Variants in BRF1 observed in about 807,000 individuals in gnomAD.
The protein encoded by BRF1 is transcription factor IIIB 90 kDa subunit.
Under a neutral mutation model 81.7 loss-of-function variants are expected in BRF1, and 59 were observed. That is an observed-to-expected ratio of 0.72 (90% CI 0.59 to 0.90). The LOEUF (loss-of-function observed/expected upper bound fraction) is 0.90. BRF1 is among the 40% of genes least tolerant of loss of function. The pLI is 0.00. For synonymous variants in BRF1, 491 were observed against 395.6 expected (o/e 1.24, Z -2.86); for missense variants, 1,050 against 936.3 (o/e 1.12, Z -1.58).
intron 1 of BRF1, among the ~76,000 whole-genome samples, chr14:105,307,812 A>G (rs936829205): frequency 6.6e-6 from 1 of 152,212 alleles, no homozygotes; most frequent in East Asian, 1.9e-4. Context: ...ACTGCTCAGA[A>G]GGCAAGTCCC....
chr14:105,249,106 C>CCCCGCGCCCGCGCGCG (rs2055394276), intron 5 of BRF1: 1 of 1,497,306 alleles, frequency 6.7e-7, no homozygotes, highest in Non-Finnish European at 8.8e-7. Context: ...GCCCCGCGGC[C>CCCCGCGCCCGCGCGCG]CCCGCGCCCG....
intron 5 of BRF1, chr14:105,250,280 C>T: frequency 6.2e-7 from 1 of 1,612,936 alleles, no homozygotes; most frequent in Non-Finnish European, 8.5e-7. Context: ...GTACCGCGGG[C>T]GCTGCGACAG....
intron 6 of BRF1, 102 bp from the exon 7 acceptor site, chr14:105,229,015 G>A (rs898720202): frequency 4.7e-6 from 5 of 1,057,522 alleles, no homozygotes; most frequent in African/African-American, 3.1e-5. Context: ...CGGAGATGAT[G>A]GCCTGAGAAG....
intron 3 of BRF1, among the ~76,000 whole-genome samples, chr14:105,257,087 G>A (rs147157432): frequency 4.6e-5 from 7 of 152,254 alleles, no homozygotes; most frequent in African/African-American, 1.7e-4. Context: ...TGGGGGCTGC[G>A]CTCGAGAGAC....
chr14:105,222,768 A>C (rs587625006), intron 10 of BRF1, among the ~76,000 whole-genome samples: 1 of 152,204 alleles, frequency 6.6e-6, no homozygotes, highest in South Asian at 2.1e-4. Context: ...AGCTGGGACT[A>C]CAGGCGCCCG....
chr14:105,307,980 C>G (rs895063222), intron 1 of BRF1, among the ~76,000 whole-genome samples: 1 of 148,164 alleles, frequency 6.7e-6, no homozygotes, highest in Non-Finnish European at 1.5e-5. Context: ...CCCAGGAGTT[C>G]GAGACCAGCC....
chr14:105,300,338 C>A (rs2140588110), intron 1 of BRF1, 108 bp downstream of exon 1: 1 of 1,248,978 alleles, frequency 8.0e-7, no homozygotes, highest in Non-Finnish European at 1.0e-6. Context: ...CCGCGCGCCC[C>A]GACAGAGCGT....
In BRF1 at chr14:105,271,418, G is replaced by A. The variant is rs587751264; in HGVS notation, c.439+1303C>T. ...CCAGTGAGAATGCTGGAGGCAAGGC[G>A]ACGGCAGGGGCGCAGGCTGGGAGGC... On this transcript the variant is annotated intron_variant, in intron 3 of 17. Transcript: ENST00000547530. The surrounding 1 kb of genome is among the most constrained non-coding windows in gnomAD (Gnocchi z 5.5). Among the ~76,000 whole-genome samples, 3 of 152,366 alleles carry A rather than the reference G, an allele frequency of 2.0e-5. No homozygotes were observed. Among genetic ancestry groups the A allele is most frequent in the African/African-American group, 7.2e-5 (3 of 41,590 alleles).
Position 105,209,397 on chromosome 14 carries a change from GGGGGGTCTGGC to G in BRF1, c.*1143_*1153del. On this transcript the variant is annotated 3_prime_UTR_variant, in exon 18 of 18. Coordinates refer to ENST00000547530, the MANE Select transcript of BRF1 (RefSeq NM_001519.4). Reference sequence around the variant, plus strand: ...GGCTACTGAGCTCTGGGCGGGGGTAGGGGGGTCTGGCCTGCTGCGGGCCAAGTTGGGGCAGG... The same window carrying G: ...GGCTACTGAGCTCTGGGCGGGGGTAGCTGCTGCGGGCCAAGTTGGGGCAGG... 4.7e-6 allele frequency: 3 copies of G among 642,976 alleles called. No individual in the cohort carries two copies. Among genetic ancestry groups the G allele is most frequent in the Non-Finnish European group, 5.7e-6 (2 of 351,544 alleles). 39.8% of individuals were successfully genotyped at this position (642,976 alleles called of 1,614,324 possible).
At chr14:105,252,345 A>G in intron 5 of BRF1, 162 bp downstream of exon 5, 1 of 979,842 alleles carries the variant, frequency 1.0e-6, no homozygotes, top group Non-Finnish European at 1.2e-6. Context: ...CTTAGAAAAT[A>G]AGGCCCCACA....
intron 4 of BRF1, 76 bp from the exon 5 acceptor site, chr14:105,252,655 T>C: frequency 6.8e-7 from 1 of 1,480,268 alleles, no homozygotes; most frequent in African/African-American, 1.4e-5. Flanking sequence ...TTAAAATGCA[T>C]CTCTTGTGCA....
chr14:105,212,299 TC>T, intron 15 of BRF1, 135 bp from the exon 16 acceptor site: 1 of 1,214,692 alleles, frequency 8.2e-7, no homozygotes, highest in Non-Finnish European at 1.1e-6. Flanking sequence ...TGGTTCTGCG[TC>T]CAGGTTCTGT....
intron 5 of BRF1, chr14:105,249,029 C>T (rs2055379863): frequency 1.7e-6 from 2 of 1,190,092 alleles, no homozygotes; most frequent in Non-Finnish European, 2.1e-6. Context: ...CCACACTCGG[C>T]AACAACCACC....
At chr14:105,249,865 G>A in intron 5 of BRF1, 1 of 1,612,596 alleles carries the variant, frequency 6.2e-7, no homozygotes. Context: ...AGGCCGAGAT[G>A]GCCCTACGGT....
intron 1 of BRF1, among the ~76,000 whole-genome samples, chr14:105,290,638 T>A (rs1204014402): frequency 6.6e-6 from 1 of 152,092 alleles, no homozygotes; most frequent in African/African-American, 2.4e-5. Context: ...CCCATACCCA[T>A]CAGCTTGCAC....
At chr14:105,228,749 T>A (rs2054222844) in intron 7 of BRF1, 71 bp downstream of exon 7, 1 of 1,546,594 alleles carries the variant, frequency 6.5e-7, no homozygotes, top group African/African-American at 1.4e-5. Context: ...GCGCCTGCTC[T>A]GGCAAGCAGG....
rs143173019 is a variant in BRF1 at position 105,246,157 on chromosome 14, G to C, written c.545-4743C>G. Among the ~76,000 whole-genome samples the C allele has an allele frequency of 3.6e-3, 540 of 151,964 alleles. 3 individuals are homozygous for C. The highest frequency in any genetic ancestry group is 5.3e-3 in the Non-Finnish European group (363 of 67,968). On this transcript the variant is annotated intron_variant, in intron 5 of 17. Transcript: ENST00000547530. ...CAAGAATCGCTTGAACCTGGAAGGC[G>C]GATGTTGCAGTGCACCCTCACCACC... is the stretch of plus-strand genomic sequence containing the variant.
At chr14:105,277,904 G>A (rs2056912049) in intron 2 of BRF1, among the ~76,000 whole-genome samples, 1 of 152,072 alleles carries the variant, frequency 6.6e-6, no homozygotes, top group Admixed American at 6.6e-5. Flanking sequence ...ACAGGCACAT[G>A]CCACTGCACC....
intron 1 of BRF1, among the ~76,000 whole-genome samples, chr14:105,296,704 A>C (rs2057762306): frequency 1.3e-5 from 2 of 151,852 alleles, no homozygotes; most frequent in Admixed American, 6.6e-5. Flanking sequence ...AAAAAAAAAA[A>C]AACCTCTTAG....
Sources: allele counts gnomAD v4.1 joint callset (sites outside exome capture counted in the v4.1 genomes callset), GRCh38; gene constraint gnomAD v4.1.1; non-coding constraint Gnocchi (gnomAD v3.1); transcripts MANE v1.5; gene names NCBI Gene and HGNC (gene_info 2026-07-23, HGNC 2026-07-21).